The following SSBP2 variants were observed in gnomAD, a reference collection of about 807,000 sequenced individuals.
The protein encoded by SSBP2 is single-stranded DNA-binding protein 2.
A neutral mutation model predicts 61.8 loss-of-function variants in SSBP2; 17 were observed. That is an observed-to-expected ratio of 0.28 (90% CI 0.19 to 0.41). The LOEUF (loss-of-function observed/expected upper bound fraction) is 0.41, where lower values mean the gene tolerates loss of function less well. Ranked by LOEUF, SSBP2 falls within the 10% of genes least tolerant of loss-of-function variation. SSBP2 has a pLI of 1.00. For synonymous variants in SSBP2, 139 were observed against 141.3 expected, an observed-to-expected ratio of 0.98 and a Z score of 0.12; for missense variants, 310 against 458.7, an observed-to-expected ratio of 0.68 and a Z score of 2.96.
At chr5:81,495,323 A>G (rs1377185314) in intron 5 of SSBP2, among the ~76,000 whole-genome samples, 1 of 152,214 alleles carries the variant, frequency 6.6e-6, no homozygotes, top group African/African-American at 2.4e-5. Flanking sequence ...TAAATGACAC[A>G]TTGCTCAAAT....
intron 15 of SSBP2, among the ~76,000 whole-genome samples, chr5:81,431,127 T>A (rs1762257252): frequency 6.6e-6 from 1 of 152,194 alleles, no homozygotes; most frequent in Admixed American, 6.5e-5. Context: ...ATGCTTCATT[T>A]AACTGTAGCT....
chr5:81,626,471 T>C (rs1327165030), intron 3 of SSBP2, among the ~76,000 whole-genome samples: 1 of 152,202 alleles, frequency 6.6e-6, no homozygotes, highest in Non-Finnish European at 1.5e-5. Context: ...ATTATTACGT[T>C]ATTTTGTTTC....
chr5:81,535,126 A>G (rs994939736), intron 4 of SSBP2, among the ~76,000 whole-genome samples: 1 of 152,084 alleles, frequency 6.6e-6, no homozygotes, highest in African/African-American at 2.4e-5. Flanking sequence ...TCTATAAGCC[A>G]CCAAAGAACA....
intron 4 of SSBP2, among the ~76,000 whole-genome samples, chr5:81,595,420 G>A (rs879183134): frequency 8.5e-5 from 13 of 152,266 alleles, no homozygotes; most frequent in African/African-American, 2.9e-4. Context: ...GTACAAAGAG[G>A]AGCTGGTACC....
intron 13 of SSBP2, among the ~76,000 whole-genome samples, chr5:81,441,676 G>A (rs1025590272): frequency 6.6e-6 from 1 of 152,090 alleles, no homozygotes; most frequent in East Asian, 1.9e-4. Context: ...CTATCACCAT[G>A]GGCAATACAA....
At chr5:81,545,160 G>T (rs1771633718) in intron 4 of SSBP2, among the ~76,000 whole-genome samples, 1 of 152,116 alleles carries the variant, frequency 6.6e-6, no homozygotes, top group African/African-American at 2.4e-5. Flanking sequence ...TATTTTTTTA[G>T]TATAAGTATG....
intron 11 of SSBP2, chr5:81,448,129 T>C (rs1303962400): frequency 6.6e-6 from 1 of 152,212 alleles, no homozygotes; most frequent in African/African-American, 2.4e-5. Context: ...TCCCTCTAAA[T>C]GGTGTAACGT....
chr5:81,525,179 A>AT (rs552535911), intron 4 of SSBP2, among the ~76,000 whole-genome samples: 122 of 152,006 alleles, frequency 8.0e-4, no homozygotes, highest in African/African-American at 2.6e-3. Flanking sequence ...TAGGGCTCAC[A>AT]TTTTTTTAAA....
intron 10 of SSBP2, among the ~76,000 whole-genome samples, chr5:81,458,762 G>A (rs1161127649): frequency 3.3e-5 from 5 of 152,100 alleles, no homozygotes; most frequent in Admixed American, 1.3e-4. Flanking sequence ...CATGGTTTTT[G>A]GGGAAAAATA....
intron 4 of SSBP2, among the ~76,000 whole-genome samples, chr5:81,594,605 C>CA (rs1353529924): frequency 1.3e-5 from 2 of 152,326 alleles, no homozygotes; most frequent in East Asian, 1.9e-4. Flanking sequence ...AAGCACTCCT[C>CA]AGCAAATGTA....
chr5:81,586,626 C>CA (rs35214821), intron 4 of SSBP2, among the ~76,000 whole-genome samples: 34,660 of 113,952 alleles, frequency 0.3, 5,022 homozygotes, highest in East Asian at 0.66. Flanking sequence ...CTGCAGTATG[C>CA]AAAAAAAAAA....
At chr5:81,744,756 T>C (rs1757244520) in intron 1 of SSBP2, among the ~76,000 whole-genome samples, 1 of 152,174 alleles carries the variant, frequency 6.6e-6, no homozygotes, top group Admixed American at 6.5e-5. Flanking sequence ...ACACTCACTC[T>C]AGCTGAACTG....
At chr5:81,750,772 C>T in intron 1 of SSBP2, 1 of 584,040 alleles carries the variant, frequency 1.7e-6, no homozygotes, top group Non-Finnish European at 3.0e-6. Flanking sequence ...CCGCCGACAG[C>T]CCCCTGCGGC....
At chr5:81,561,513 T>C (rs1773039965) in intron 4 of SSBP2, among the ~76,000 whole-genome samples, 1 of 151,528 alleles carries the variant, frequency 6.6e-6, no homozygotes, top group Admixed American at 6.6e-5. Context: ...TTGTTAAAAA[T>C]AAATAAATAG....
At chr5:81,479,530 G>T (rs1289646571) in intron 6 of SSBP2, among the ~76,000 whole-genome samples, 1 of 151,928 alleles carries the variant, frequency 6.6e-6, no homozygotes, top group African/African-American at 2.4e-5. Flanking sequence ...GACCTCAAGT[G>T]ATCCACCCAC....
chr5:81,465,886 A>G (rs1235420048), intron 9 of SSBP2, among the ~76,000 whole-genome samples: 1 of 152,030 alleles, frequency 6.6e-6, no homozygotes, highest in Non-Finnish European at 1.5e-5. Flanking sequence ...AATCTGACCT[A>G]CTTTCCCTCC....
chr5:81,518,948 G>A (rs1001591401), intron 4 of SSBP2, among the ~76,000 whole-genome samples: 5 of 152,078 alleles, frequency 3.3e-5, no homozygotes, highest in African/African-American at 2.4e-5. Flanking sequence ...TCTGAGATAA[G>A]TCATGCTTGA....
chr5:81,471,506 C>T (rs934459679), intron 8 of SSBP2, among the ~76,000 whole-genome samples: 9 of 151,694 alleles, frequency 5.9e-5, no homozygotes, highest in Non-Finnish European at 1.2e-4. Flanking sequence ...GGAAAAAAAT[C>T]CTTTAACAGC....
At position 81,715,628 on chromosome 5, in the gene SSBP2, G is replaced by T. The variant is rs1368136168; in HGVS notation, c.62+35353C>A. Reference sequence around the variant, plus strand: ...GTACAAGAAAGAAAAAGTAACCATAGAATACTACTACATGGCAAAACTATA... The same window carrying T: ...GTACAAGAAAGAAAAAGTAACCATATAATACTACTACATGGCAAAACTATA... On this transcript the variant is annotated intron_variant, in intron 1 of 16. Coordinates refer to ENST00000320672, the MANE Select transcript of SSBP2 (RefSeq NM_012446.5). Among the ~76,000 whole-genome samples the T allele has an allele frequency of 5.9e-5, 9 of 152,076 alleles. No homozygotes were observed. The East Asian group carries it at 1.7e-3, about 29-fold the overall frequency.
Sources: gnomAD v4.1 joint callset for allele counts (sites outside exome capture counted in the v4.1 genomes callset) on GRCh38, gnomAD v4.1.1 for gene constraint, MANE v1.5 for transcripts, NCBI Gene and HGNC (gene_info 2026-07-23, HGNC 2026-07-21) for gene names.